GALNT13: variants seen among roughly 807,000 people sequenced by gnomAD.
GALNT13 encodes the protein UDP-GalNAc:polypeptide N-acetylgalactosaminyltransferase 13.
A neutral mutation model predicts 64.2 loss-of-function variants in GALNT13; 28 were observed. That is an observed-to-expected ratio of 0.44 (90% CI 0.32 to 0.60). GALNT13 has a LOEUF of 0.60. GALNT13 is among the 20% of genes least tolerant of loss of function. The pLI is 0.05. For missense variants in GALNT13, 577 were observed against 669.8 expected (o/e 0.86, Z 1.53); for synonymous variants, 214 against 224.6 (o/e 0.95, Z 0.42).
intron 9 of GALNT13, among the ~76,000 whole-genome samples, chr2:154,377,383 A>G (rs1473867054): frequency 1.3e-5 from 2 of 152,102 alleles, no homozygotes; most frequent in Admixed American, 1.3e-4. Flanking sequence ...ATTTCTTGGC[A>G]TTTACAGAAG....
the GALNT13 span, among the ~76,000 whole-genome samples, chr2:153,817,071 C>G: frequency 6.6e-6 from 1 of 152,172 alleles, no homozygotes; most frequent in Non-Finnish European, 1.5e-5. Flanking sequence ...GCAGAAAGAG[C>G]AACAGTGCAT....
chr2:153,555,190 CTTT>C, the GALNT13 span, among the ~76,000 whole-genome samples: 2 of 105,214 alleles, frequency 1.9e-5, no homozygotes, highest in Non-Finnish European at 4.0e-5. Context: ...AGAAGCTTTA[CTTT>C]TTTTTTTTTT....
chr2:153,301,931 T>C, the GALNT13 span, among the ~76,000 whole-genome samples: 1 of 151,798 alleles, frequency 6.6e-6, no homozygotes, highest in Admixed American at 6.6e-5. Flanking sequence ...TCACATTTTC[T>C]TTATCTATTC....
At chr2:153,595,984 C>G in the GALNT13 span, among the ~76,000 whole-genome samples, 8 of 152,214 alleles carry the variant, frequency 5.3e-5, no homozygotes, top group Middle Eastern at 3.4e-3. Flanking sequence ...GTGGTTCTTG[C>G]ATGCATTTCT....
At chr2:153,661,348 G>A in the GALNT13 span, among the ~76,000 whole-genome samples, 1 of 152,046 alleles carries the variant, frequency 6.6e-6, no homozygotes, top group South Asian at 2.1e-4. Context: ...AAATCACTGG[G>A]ACCTGAAGAT....
chr2:154,152,929 C>G (rs894386700), intron 4 of GALNT13, among the ~76,000 whole-genome samples: 1 of 152,192 alleles, frequency 6.6e-6, no homozygotes, highest in African/African-American at 2.4e-5. Flanking sequence ...CTTCTCTCAA[C>G]TCATCAAAGT....
intron 3 of GALNT13, among the ~76,000 whole-genome samples, chr2:154,021,530 G>A (rs1328379527): frequency 6.6e-6 from 1 of 152,122 alleles, no homozygotes; most frequent in Non-Finnish European, 1.5e-5. Flanking sequence ...AAGAATGCTT[G>A]TGATTTTTGT....
At chr2:153,211,134 C>T in the GALNT13 span, among the ~76,000 whole-genome samples, 1 of 147,760 alleles carries the variant, frequency 6.8e-6, no homozygotes, top group Admixed American at 6.8e-5. Flanking sequence ...ATTGACAAAC[C>T]TTTTTTTTTT....
the GALNT13 span, among the ~76,000 whole-genome samples, chr2:153,191,711 T>C: frequency 6.6e-6 from 1 of 151,790 alleles, no homozygotes; most frequent in African/African-American, 2.4e-5. Context: ...AAGACTTTTT[T>C]TTTTTTTTGA....
At chr2:153,747,722 T>C in the GALNT13 span, among the ~76,000 whole-genome samples, 3 of 152,012 alleles carry the variant, frequency 2.0e-5, no homozygotes, top group Non-Finnish European at 4.4e-5. Flanking sequence ...CCACTGCACC[T>C]GACCCAATTG....
At chr2:153,887,631 T>G (rs1287635196) in intron 1 of GALNT13, among the ~76,000 whole-genome samples, 1 of 151,898 alleles carries the variant, frequency 6.6e-6, no homozygotes, top group Non-Finnish European at 1.5e-5. Flanking sequence ...GACCTACCAC[T>G]TTGCAAAAAA....
the GALNT13 span, among the ~76,000 whole-genome samples, chr2:153,788,022 T>C: frequency 6.6e-6 from 1 of 152,188 alleles, no homozygotes. Flanking sequence ...CATTTCAGGA[T>C]ATTATCCATG....
At chr2:153,239,599 T>C in the GALNT13 span, among the ~76,000 whole-genome samples, 24 of 152,330 alleles carry the variant, frequency 1.6e-4, no homozygotes, top group East Asian at 3.1e-3. Context: ...TTGTGGTTTT[T>C]ATCCTTCACT....
chr2:154,353,873 G>A (rs1354111701), intron 9 of GALNT13, among the ~76,000 whole-genome samples: 1 of 152,084 alleles, frequency 6.6e-6, no homozygotes, highest in Non-Finnish European at 1.5e-5. Context: ...AGTGAACATG[G>A]GAATGAAGAT....
chr2:154,450,710 T>C lies in GALNT13; in HGVS notation c.*159T>C, dbSNP rs887767723. On this transcript the variant is annotated 3_prime_UTR_variant, in exon 13 of 13. Coordinates refer to ENST00000392825, the MANE Select transcript of GALNT13 (RefSeq NM_052917.4). ...ATTCGTTTCTAGAAATGTTTGCTTA[T>C]TTCCCTACTAAAATTTGTATCTGAT... 4 of 650,684 alleles carry C rather than the reference T, an allele frequency of 6.1e-6. No homozygotes were observed. Among genetic ancestry groups the C allele is most frequent in the Non-Finnish European group, 9.8e-6 (4 of 406,480 alleles). The allele number at this position is 650,684 out of a possible 1,614,324, so 40.3% of individuals were successfully genotyped here.
At chr2:153,624,915 A>G in the GALNT13 span, among the ~76,000 whole-genome samples, 1 of 151,984 alleles carries the variant, frequency 6.6e-6, no homozygotes, top group South Asian at 2.1e-4. Context: ...GGCTCGGACA[A>G]AAAAGTTTCA....
intron 4 of GALNT13, among the ~76,000 whole-genome samples, chr2:154,213,930 A>G (rs1687910650): frequency 6.6e-6 from 1 of 152,062 alleles, no homozygotes; most frequent in African/African-American, 2.4e-5. Flanking sequence ...GCTCCTCAGT[A>G]TTTTTCTTCT....
chr2:153,812,820 A>T, the GALNT13 span, among the ~76,000 whole-genome samples: 22 of 152,178 alleles, frequency 1.4e-4, no homozygotes, highest in Non-Finnish European at 7.4e-5. Flanking sequence ...CCCTATGCGC[A>T]CAAAGTGTTT....
intron 8 of GALNT13, among the ~76,000 whole-genome samples, chr2:154,298,624 TTG>T (rs1693153995): frequency 8.3e-5 from 2 of 24,116 alleles, no homozygotes; most frequent in Non-Finnish European, 1.6e-4. Flanking sequence ...TATATATACA[TTG>T]TATATATAAT....
Sources: allele counts gnomAD v4.1 joint callset (sites outside exome capture counted in the v4.1 genomes callset), GRCh38; gene constraint gnomAD v4.1.1; transcripts MANE v1.5; gene names NCBI Gene and HGNC (gene_info 2026-07-23, HGNC 2026-07-21).